HFM1: variants seen among roughly 807,000 people sequenced by gnomAD.
The protein encoded by HFM1 is probable ATP-dependent DNA helicase HFM1.
HFM1 carries 169 observed loss-of-function variants against 192.1 expected under a neutral mutation model. The ratio of observed to expected loss-of-function variants is 0.88; its 90% CI spans 0.78 to 1.00. The LOEUF (loss-of-function observed/expected upper bound fraction) is 1.00, where lower values mean the gene tolerates loss of function less well. HFM1 is among the 50% of genes least tolerant of loss of function. HFM1 has a pLI of 0.00. For missense variants in HFM1, 1,661 were observed against 1,668.0 expected (o/e 1.00, Z 0.07); for synonymous variants, 525 against 537.8 (o/e 0.98, Z 0.33).
At chr1:91,261,680 TTC>T (rs565690493) in intron 38 of HFM1, 8 of 172,548 alleles carry the variant, frequency 4.6e-5, no homozygotes, top group Non-Finnish European at 9.8e-5. Context: ...AGTTACAGAT[TTC>T]TGTTTCTTCT....
At chr1:91,373,957 A>G (rs1557479938) in intron 13 of HFM1, among the ~76,000 whole-genome samples, 1 of 152,186 alleles carries the variant, frequency 6.6e-6, no homozygotes, top group Non-Finnish European at 1.5e-5. Flanking sequence ...AGATATTAAA[A>G]TAACTATTAA....
intron 2 of HFM1, among the ~76,000 whole-genome samples, chr1:91,398,894 T>C (rs960690545): frequency 6.6e-6 from 1 of 152,144 alleles, no homozygotes; most frequent in African/African-American, 2.4e-5. Context: ...CGTTTCACCA[T>C]GTTGGCCAGG....
At chr1:91,401,986 T>G (rs1011567746) in intron 1 of HFM1, among the ~76,000 whole-genome samples, 1 of 151,352 alleles carries the variant, frequency 6.6e-6, no homozygotes, top group Non-Finnish European at 1.5e-5. Context: ...GCATATCCTA[T>G]TTTTTTCTAA....
chr1:91,267,882 G>T (rs1369370811), intron 34 of HFM1, 27 bp from the exon 35 acceptor site: 1 of 1,197,202 alleles, frequency 8.4e-7, no homozygotes, highest in Non-Finnish European at 1.2e-6. Flanking sequence ...GCTTTTATCT[G>T]CATCTGTCAA....
chr1:91,266,973 T>C (rs886176687), intron 35 of HFM1, among the ~76,000 whole-genome samples: 3 of 152,230 alleles, frequency 2.0e-5, no homozygotes, highest in African/African-American at 7.2e-5. Flanking sequence ...CCCTTTGAAA[T>C]ACTCTTTTAA....
At chr1:91,349,808 T>G (rs1656682774) in intron 18 of HFM1, among the ~76,000 whole-genome samples, 1 of 152,248 alleles carries the variant, frequency 6.6e-6, no homozygotes, top group Non-Finnish European at 1.5e-5. Context: ...TCTAGATGAT[T>G]TGTTTCAGGG....
intron 34 of HFM1, among the ~76,000 whole-genome samples, chr1:91,268,442 CTT>C (rs1345698664): frequency 6.6e-6 from 1 of 151,974 alleles, no homozygotes; most frequent in Non-Finnish European, 1.5e-5. Context: ...GAAAATTCCA[CTT>C]CTCTCATTTA....
chr1:91,283,487 A>G (rs1175941506), intron 30 of HFM1, among the ~76,000 whole-genome samples: 3 of 152,152 alleles, frequency 2.0e-5, no homozygotes, highest in Non-Finnish European at 4.4e-5. Flanking sequence ...CTGTAAGTTC[A>G]AGCAATCCAC....
chr1:91,353,874 G>A (rs1657331896), intron 13 of HFM1, among the ~76,000 whole-genome samples: 1 of 148,614 alleles, frequency 6.7e-6, no homozygotes, highest in Non-Finnish European at 1.5e-5. Flanking sequence ...TGAAAGAGGT[G>A]ATTATTCCAC....
chr1:91,375,671 CT>C lies in HFM1; in HGVS notation c.1451del (p.Glu484GlyfsTer6). 3 of 1,613,308 alleles carry C rather than the reference CT, an allele frequency of 1.9e-6. No homozygotes were observed. Among genetic ancestry groups the C allele is most frequent in the Non-Finnish European group, 2.5e-6 (3 of 1,179,540 alleles). On this transcript the variant is annotated frameshift_variant, in exon 12 of 39. Coordinates refer to ENST00000370425, the MANE Select transcript of HFM1 (RefSeq NM_001017975.6). LOFTEE classifies it high-confidence loss of function. ...TCTGAAGTTTCACTGGTCTATGGCT[CT>C]CATCCATTTTCAGACACACAGCTGG... ...ERPAVCLKMD[E>X]SHRPVKLQKV...
At chr1:91,280,982 G>A (rs567205704) in intron 30 of HFM1, among the ~76,000 whole-genome samples, 2 of 152,292 alleles carry the variant, frequency 1.3e-5, no homozygotes, top group African/African-American at 4.8e-5. Flanking sequence ...ACCTTCTAGG[G>A]GATGCTAATG....
At chr1:91,332,240 C>T (rs1436977100) in intron 20 of HFM1, among the ~76,000 whole-genome samples, 1 of 152,128 alleles carries the variant, frequency 6.6e-6, no homozygotes, top group African/African-American at 2.4e-5. Flanking sequence ...CAATATGGTA[C>T]TGGCATAAAA....
chr1:91,323,023 C>T (rs1652367725), intron 22 of HFM1, 26 bp from the exon 23 acceptor site: 1 of 1,347,736 alleles, frequency 7.4e-7, no homozygotes, highest in Non-Finnish European at 1.0e-6. Flanking sequence ...CATGGCAAAA[C>T]ATTTATTATT....
At chr1:91,389,135 T>G (rs1178000102) in intron 4 of HFM1, among the ~76,000 whole-genome samples, 4 of 64,234 alleles carry the variant, frequency 6.2e-5, no homozygotes, top group African/African-American at 2.4e-4. Context: ...TTGTTGGGTT[T>G]TTTTTTTTTT....
chr1:91,292,230 A>G (rs2100942817), intron 30 of HFM1, among the ~76,000 whole-genome samples: 1 of 148,566 alleles, frequency 6.7e-6, no homozygotes, highest in Admixed American at 6.8e-5. Flanking sequence ...GGAAATAAAG[A>G]GTATTCGATT....
chr1:91,355,912 T>C (rs186656613), intron 13 of HFM1, among the ~76,000 whole-genome samples: 47 of 152,304 alleles, frequency 3.1e-4, no homozygotes, highest in Admixed American at 4.6e-4. Context: ...CAGCAGAATG[T>C]ATACGCTTCT....
At chr1:91,371,611 A>G (rs1244643435) in intron 13 of HFM1, among the ~76,000 whole-genome samples, 2 of 133,540 alleles carry the variant, frequency 1.5e-5, no homozygotes, top group Non-Finnish European at 3.1e-5. Context: ...TTAAAGACTT[A>G]AATGTTAGAC....
At chr1:91,385,333 C>A (rs1049123561) in intron 5 of HFM1, 99 bp from the exon 6 acceptor site, 1 of 828,182 alleles carries the variant, frequency 1.2e-6, no homozygotes, top group African/African-American at 1.8e-5. Flanking sequence ...TCCATAAAAA[C>A]TGTTTCAATA....
chr1:91,363,785 T>C (rs1658859639), intron 13 of HFM1, among the ~76,000 whole-genome samples: 1 of 152,106 alleles, frequency 6.6e-6, no homozygotes, highest in Non-Finnish European at 1.5e-5. Flanking sequence ...GGAATCAACC[T>C]AAATGCCCAT....
Sources: allele counts gnomAD v4.1 joint callset (sites outside exome capture counted in the v4.1 genomes callset), GRCh38; gene constraint gnomAD v4.1.1; transcripts MANE v1.5; gene names NCBI Gene and HGNC (gene_info 2026-07-23, HGNC 2026-07-21).